Variants in ANKLE2 observed in about 807,000 individuals in gnomAD.
The protein encoded by ANKLE2 is ankyrin repeat and LEM domain containing 2.
ANKLE2 carries 55 observed loss-of-function variants against 84.2 expected under a neutral mutation model. That is an observed-to-expected ratio of 0.65 (90% CI 0.53 to 0.82). ANKLE2 has a LOEUF of 0.82. Ranked by LOEUF, ANKLE2 falls within the 40% of genes least tolerant of loss-of-function variation. The pLI, the probability that ANKLE2 is intolerant of heterozygous loss-of-function variation, is 0.00. For synonymous variants in ANKLE2, 551 were observed against 486.1 expected, an observed-to-expected ratio of 1.13 and a Z score of -1.76; for missense variants, 1,238 against 1,201.9, an observed-to-expected ratio of 1.03 and a Z score of -0.44.
Position 132,726,402 on chromosome 12 carries a change from T to C in ANKLE2, c.*840A>G, listed in dbSNP as rs2043698861. 6.6e-6 allele frequency: 1 copy of C among 152,194 alleles called. No homozygotes were observed. The highest frequency in any genetic ancestry group is 6.5e-5 in the Admixed American group (1 of 15,272). 9.4% of individuals were successfully genotyped at this position (152,194 alleles called of 1,614,324 possible). A position where few individuals can be genotyped will look rare whatever the true frequency, so the allele number is the denominator to read the frequency against. ...ACGGATACCTTTATCGTATAATCAT[T>C]TATGCTCAACAAAGCCTCAGGATAA... On this transcript the variant is annotated 3_prime_UTR_variant, in exon 13 of 13. Coordinates refer to ENST00000357997, the MANE Select transcript of ANKLE2 (RefSeq NM_015114.3).
chr12:132,732,630 C>T (rs375860548), intron 10 of ANKLE2, among the ~76,000 whole-genome samples: 109 of 65,700 alleles, frequency 1.7e-3, no homozygotes, highest in East Asian at 2.6e-3. Context: ...GTGTCTGATA[C>T]GCACCGTGAA....
chr12:132,733,930 A>G, intron 10 of ANKLE2: 1 of 456,476 alleles, frequency 2.2e-6, no homozygotes, highest in Non-Finnish European at 4.4e-6. Context: ...AAACAGCAAT[A>G]CTGCTCAAAG....
At position 132,728,173 on chromosome 12, in the gene ANKLE2, A is replaced by T. The variant is rs2043749405; in HGVS notation, c.2484-10T>A. 3 of 1,606,004 alleles carry T rather than the reference A, an allele frequency of 1.9e-6. No homozygotes were observed. The highest frequency in any genetic ancestry group is 2.7e-5 in the African/African-American group (2 of 74,474). ...TTTTGATGGCTCCTCTCTAGAAAGCACAATAAAAGAAGCAAAAACATCTTT... is the reference window on the plus strand; with the variant it reads ...TTTTGATGGCTCCTCTCTAGAAAGCTCAATAAAAGAAGCAAAAACATCTTT... On this transcript the variant is annotated splice_polypyrimidine_tract_variant and intron_variant, in intron 11 of 12. Coordinates refer to ENST00000357997, the MANE Select transcript of ANKLE2 (RefSeq NM_015114.3).
chr12:132,741,108 C>A (rs1025081359), intron 7 of ANKLE2, among the ~76,000 whole-genome samples: 1 of 152,212 alleles, frequency 6.6e-6, no homozygotes, highest in Admixed American at 6.5e-5. Context: ...AATGAAGCTA[C>A]TGCGAGAGAG....
intron 7 of ANKLE2, among the ~76,000 whole-genome samples, chr12:132,741,178 G>T (rs1194374432): frequency 6.6e-6 from 1 of 152,196 alleles, no homozygotes; most frequent in African/African-American, 2.4e-5. Context: ...CCTCAAAAAA[G>T]TTCTCTCACA....
intron 5 of ANKLE2, among the ~76,000 whole-genome samples, chr12:132,747,174 A>T (rs2044256041): frequency 6.6e-6 from 1 of 152,162 alleles, no homozygotes; most frequent in Non-Finnish European, 1.5e-5. Context: ...GGAGCTACCA[A>T]GATCGTTCCT....
At chr12:132,760,305 C>T (rs2044599127) in intron 1 of ANKLE2, 1 of 152,142 alleles carries the variant, frequency 6.6e-6, no homozygotes, top group African/African-American at 2.4e-5. Flanking sequence ...CTTCGGACAC[C>T]AGGTATGTGG....
Position 132,748,078 on chromosome 12 carries a change from G to A in ANKLE2, c.1042-58C>T, listed in dbSNP as rs554792743. The A allele has an allele frequency of 6.2e-6, 10 of 1,604,964 alleles. No individual in the cohort carries two copies. In the Middle Eastern group the frequency reaches 5.0e-4, roughly 80 times the overall value. ...TCTGATGTGTGGACACGCCCTGTGC[G>A]AGTGCTGCGATGGAACGGCCGGGAC... is the stretch of plus-strand genomic sequence containing the variant. On this transcript the variant is annotated intron_variant, in intron 4 of 12. Transcript: ENST00000357997.
At chr12:132,753,452 G>A (rs1013443316) in intron 2 of ANKLE2, among the ~76,000 whole-genome samples, 4 of 151,782 alleles carry the variant, frequency 2.6e-5, no homozygotes, top group Admixed American at 6.6e-5. Flanking sequence ...GCAACGTGGC[G>A]AAACCCCGCC....
intron 11 of ANKLE2, 56 bp from the exon 12 acceptor site, chr12:132,728,219 TA>T: frequency 6.3e-7 from 1 of 1,583,964 alleles, no homozygotes. Flanking sequence ...TAAAGACTTC[TA>T]AAATACCACT....
In ANKLE2 at chr12:132,729,827, GAGA is replaced by G. The variant is rs776299184; in HGVS notation, c.2332_2334del (p.Ser778del). 19 of 1,613,326 alleles carry G rather than the reference GAGA, an allele frequency of 1.2e-5. No individual in the cohort carries two copies. The highest frequency in any genetic ancestry group is 9.3e-6 in the Non-Finnish European group (11 of 1,179,812). ...TGGCCATTCCCGAGTTGGTCTGCGG[GAGA>G]AGGCTCTAACAAGTCTCTTTCTACT... On this transcript the variant is annotated inframe_deletion, in exon 11 of 13. Coordinates refer to ENST00000357997, the MANE Select transcript of ANKLE2 (RefSeq NM_015114.3).
chr12:132,735,994 C>T (rs1029884763), intron 8 of ANKLE2, among the ~76,000 whole-genome samples: 1 of 152,260 alleles, frequency 6.6e-6, no homozygotes, highest in Non-Finnish European at 1.5e-5. Flanking sequence ...CTCTGTCGCC[C>T]AGGCTGGAGT....
intron 2 of ANKLE2, among the ~76,000 whole-genome samples, chr12:132,753,630 G>A (rs1031367583): frequency 5.3e-5 from 8 of 152,182 alleles, no homozygotes; most frequent in African/African-American, 1.9e-4. Flanking sequence ...AAATTAGCTG[G>A]GTATGGTGGC....
At chr12:132,734,656 T>C in intron 9 of ANKLE2, 81 bp from the exon 10 acceptor site, 2 of 1,361,108 alleles carry the variant, frequency 1.5e-6, no homozygotes, top group Non-Finnish European at 2.0e-6. Flanking sequence ...CCACTAAAGC[T>C]TCAAGTACCA....
intron 10 of ANKLE2, chr12:132,730,558 C>A: frequency 2.5e-6 from 1 of 405,136 alleles, no homozygotes; most frequent in Non-Finnish European, 4.5e-6. Context: ...CACAGAAGCT[C>A]ACGCCTGCAA....
In ANKLE2 at chr12:132,761,785, C is replaced by T; in HGVS notation, c.14G>A (p.Arg5Gln). Residue 5 changes from arginine (R) to glutamine (Q), a missense_variant, in exon 1 of 13, where the codon CGG (arginine) becomes CAG (glutamine). Arg to Gln is a conservative substitution (Grantham distance 43). This residue lies in a region of ANKLE2 where 422 missense variants were observed against 394.5 expected (regional missense o/e 1.07). Transcript: ENST00000357997. The stretch of plus-strand genomic sequence containing the variant: ...CGCCGCCCACTCGGCCGCCGCCAGC[C>T]GCGGCCACAGCATCGCCGCCGCCCG... MLWPRLAAAEWAALA... is the reference protein window; with the variant it reads MLWPQLAAAEWAALA... 8.7e-7 allele frequency: 1 copy of T among 1,144,694 alleles called. No homozygotes were observed. Among genetic ancestry groups the T allele is most frequent in the Non-Finnish European group, 1.1e-6 (1 of 934,200 alleles). 70.9% of individuals were successfully genotyped at this position (1,144,694 alleles called of 1,614,324 possible).
chr12:132,735,308 G>T (rs2043985470), intron 9 of ANKLE2, 98 bp downstream of exon 9: 2 of 1,123,136 alleles, frequency 1.8e-6, no homozygotes, highest in Non-Finnish European at 2.7e-6. Flanking sequence ...AAAGCCTTCT[G>T]GAAATTGGTA....
In ANKLE2 at chr12:132,746,090, C is replaced by T. The variant is rs189754399; in HGVS notation, c.1230+1742G>A. On this transcript the variant is annotated intron_variant, in intron 5 of 12. Transcript: ENST00000357997. Reference sequence around the variant, plus strand: ...GTGGCCAGGCACGGTGGCTCACGCCCGTAATCCCAGCACTCTGGGAGGCCA... The same window carrying T: ...GTGGCCAGGCACGGTGGCTCACGCCTGTAATCCCAGCACTCTGGGAGGCCA... Among the ~76,000 whole-genome samples the T allele has an allele frequency of 3.3e-3, 509 of 152,236 alleles. 1 individual carries two copies. Among genetic ancestry groups the T allele is most frequent in the African/African-American group, 9.3e-3 (386 of 41,548 alleles).
chr12:132,729,337 C>T (rs980733642), intron 11 of ANKLE2, among the ~76,000 whole-genome samples: 1 of 79,196 alleles, frequency 1.3e-5, no homozygotes, highest in Non-Finnish European at 2.4e-5. Context: ...GGCGACAGAG[C>T]AAGACTCCAT....
Sources: gnomAD v4.1 joint callset for allele counts (sites outside exome capture counted in the v4.1 genomes callset) on GRCh38, gnomAD v4.1.1 for gene constraint, gnomAD v4.1.1 regional missense constraint, MANE v1.5 for transcripts, NCBI Gene and HGNC (gene_info 2026-07-23, HGNC 2026-07-21) for gene names.